CTDP1: variants seen among roughly 807,000 people sequenced by gnomAD.
The protein encoded by CTDP1 is RNA polymerase II subunit A C-terminal domain phosphatase.
Under a neutral mutation model 91.8 loss-of-function variants are expected in CTDP1, and 47 were observed. The observed-to-expected ratio is 0.51, with a 90% CI of 0.41 to 0.65. CTDP1 has a LOEUF of 0.65. Among genes scored for constraint, CTDP1 ranks in the 30% least tolerant of loss-of-function variants. The probability of loss-of-function intolerance (pLI) is 0.00; values close to 1 mark genes in which losing one functional copy is unlikely to be tolerated. For synonymous variants in CTDP1, 656 were observed against 598.5 expected, an observed-to-expected ratio of 1.10 and a Z score of -1.40; for missense variants, 1,272 against 1,373.7, an observed-to-expected ratio of 0.93 and a Z score of 1.17.
intron 4 of CTDP1, 50 bp from the exon 5 acceptor site, chr18:79,704,717 C>A: frequency 6.2e-7 from 1 of 1,609,398 alleles, no homozygotes; most frequent in South Asian, 1.1e-5. Context: ...GCGGGGGCGG[C>A]CGGGGCTCCT....
intron 12 of CTDP1, among the ~76,000 whole-genome samples, chr18:79,742,167 G>GA (rs1440226440): frequency 4.4e-5 from 4 of 90,800 alleles, no homozygotes; most frequent in Non-Finnish European, 7.5e-5. Context: ...GGGCAGCAGA[G>GA]GAAGCATGAA....
intron 10 of CTDP1, among the ~76,000 whole-genome samples, chr18:79,718,218 C>T (rs1194093891): frequency 1.3e-5 from 2 of 152,124 alleles, no homozygotes; most frequent in African/African-American, 2.4e-5. Flanking sequence ...TCTTGGGTCC[C>T]AAAACTAAAA....
intron 11 of CTDP1, among the ~76,000 whole-genome samples, chr18:79,733,208 G>A (rs1296185485): frequency 1.3e-5 from 2 of 151,978 alleles, no homozygotes; most frequent in East Asian, 3.9e-4. Context: ...GGATCCTCAC[G>A]CTGCGGCCTC....
intron 8 of CTDP1, among the ~76,000 whole-genome samples, chr18:79,715,933 C>T (rs1301801581): frequency 6.6e-6 from 1 of 152,186 alleles, no homozygotes; most frequent in East Asian, 1.9e-4. Context: ...GAAACGTGCA[C>T]AGAAGGACAC....
chr18:79,719,093 AAGGCCCCGCC>A (rs2086280143), intron 10 of CTDP1, among the ~76,000 whole-genome samples: 1 of 152,206 alleles, frequency 6.6e-6, no homozygotes, highest in Non-Finnish European at 1.5e-5. Context: ...GACAGGTGAG[AAGGCCCCGCC>A]AGGCACCGCG....
chr18:79,720,928 A>G (rs1813012104), intron 10 of CTDP1, among the ~76,000 whole-genome samples: 1 of 152,144 alleles, frequency 6.6e-6, no homozygotes, highest in South Asian at 2.1e-4. Flanking sequence ...AATCTGCTGA[A>G]TCGGCTCACA....
chr18:79,688,679 C>T (rs111555090), intron 1 of CTDP1, among the ~76,000 whole-genome samples: 2 of 151,862 alleles, frequency 1.3e-5, no homozygotes, highest in Admixed American at 1.3e-4. Flanking sequence ...GGATTACAGG[C>T]GTGAGCCATC....
upstream of CTDP1, chr18:79,678,690 T>C (rs1400049841): frequency 6.6e-6 from 1 of 152,072 alleles, no homozygotes; most frequent in Admixed American, 6.5e-5. Flanking sequence ...CAATTGTATA[T>C]AAAATTTATA....
rs560734388 is a variant in CTDP1 at position 79,733,932 on chromosome 18, C to G, written c.2581-2423C>G. ...GTATGAATTCACTTGTGTTTTTTCT[C>G]TTTACATACTTTTAAATTTTCCTTA... On this transcript the variant is annotated intron_variant, in intron 11 of 12. Transcript: ENST00000613122. 2.6e-5 allele frequency among the ~76,000 whole-genome samples: 4 copies of G among 152,146 alleles called. No homozygotes were observed. The East Asian group carries it at 7.7e-4, about 29-fold the overall frequency.
intron 10 of CTDP1, among the ~76,000 whole-genome samples, chr18:79,721,568 C>T (rs2086345372): frequency 6.6e-6 from 1 of 152,176 alleles, no homozygotes; most frequent in Non-Finnish European, 1.5e-5. Context: ...CGAACAGCAC[C>T]TGTTCTTTAG....
At chr18:79,738,188 A>G (rs774669896) in intron 12 of CTDP1, among the ~76,000 whole-genome samples, 1 of 152,210 alleles carries the variant, frequency 6.6e-6, no homozygotes, top group Non-Finnish European at 1.5e-5. Flanking sequence ...CCCAGGTGGC[A>G]GCATCTCCTT....
chr18:79,681,449 G>A (rs889968711), intron 1 of CTDP1: 1 of 985,374 alleles, frequency 1.0e-6, no homozygotes, highest in Non-Finnish European at 1.2e-6. Context: ...ACCCCAGGAT[G>A]GAAGATCCCT....
intron 11 of CTDP1, among the ~76,000 whole-genome samples, chr18:79,733,780 G>A (rs1806574382): frequency 6.6e-6 from 1 of 152,168 alleles, no homozygotes; most frequent in Non-Finnish European, 1.5e-5. Context: ...GCTGGGGAGA[G>A]TTTTATTCTG....
At chr18:79,725,296 G>A (rs2086423278) in intron 10 of CTDP1, among the ~76,000 whole-genome samples, 1 of 152,212 alleles carries the variant, frequency 6.6e-6, no homozygotes, top group Non-Finnish European at 1.5e-5. Context: ...GAGGTGGGAA[G>A]CGCCCCACCC....
At chr18:79,688,827 A>G (rs2085562556) in intron 1 of CTDP1, among the ~76,000 whole-genome samples, 1 of 152,272 alleles carries the variant, frequency 6.6e-6, no homozygotes, top group Non-Finnish European at 1.5e-5. Context: ...GGCGTGAGCC[A>G]CCACACCCAG....
chr18:79,720,881 T>C (rs1483038048), intron 10 of CTDP1, among the ~76,000 whole-genome samples: 3 of 152,168 alleles, frequency 2.0e-5, no homozygotes, highest in Non-Finnish European at 4.4e-5. Flanking sequence ...GGCCACAGTG[T>C]TGGGGGTCCC....
At chr18:79,701,461 G>A (rs868503100) in intron 4 of CTDP1, among the ~76,000 whole-genome samples, 5 of 151,688 alleles carry the variant, frequency 3.3e-5, no homozygotes, top group Admixed American at 1.3e-4. Flanking sequence ...AGTGAGCCAC[G>A]ATCGCACCAC....
intron 12 of CTDP1, among the ~76,000 whole-genome samples, chr18:79,751,724 G>A (rs571672726): frequency 1.6e-4 from 24 of 152,192 alleles, no homozygotes; most frequent in African/African-American, 4.8e-4. Flanking sequence ...TCACATTACC[G>A]TGCTATAGTT....
rs113163503 is a variant in CTDP1 at position 79,718,117 on chromosome 18, G to A, written c.2417+101G>A. 0.011 allele frequency: 15,826 copies of A among 1,376,886 alleles called. 131 individuals carry two copies. The highest frequency in any genetic ancestry group is 0.013 in the Non-Finnish European group (13,416 of 993,822). The allele number at this position is 1,376,886 out of a possible 1,614,324, so 85.3% of individuals were successfully genotyped here. A position where few individuals can be genotyped will look rare whatever the true frequency, so the allele number is the denominator to read the frequency against. ...GGCGTCAGTTGCCCGAAGTGAGGGC[G>A]GGTGGAGGCTGCAGACGGTGACTCC... On this transcript the variant is annotated intron_variant, in intron 10 of 12. Coordinates refer to ENST00000613122, the MANE Select transcript of CTDP1 (RefSeq NM_004715.5).
Sources: gnomAD v4.1 joint callset for allele counts (sites outside exome capture counted in the v4.1 genomes callset) on GRCh38, gnomAD v4.1.1 for gene constraint, MANE v1.5 for transcripts, NCBI Gene and HGNC (gene_info 2026-07-23, HGNC 2026-07-21) for gene names.